NDRG3: variants seen among roughly 807,000 people sequenced by gnomAD.
NDRG3 encodes NDRG family member 3.
In NDRG3, 23 loss-of-function variants were observed where a neutral mutation model predicts 57.2. That is an observed-to-expected ratio of 0.40 (90% CI 0.29 to 0.57). The LOEUF (loss-of-function observed/expected upper bound fraction) is 0.57. Ranked by LOEUF, NDRG3 falls within the 20% of genes least tolerant of loss-of-function variation. NDRG3 has a pLI of 0.42. For missense variants in NDRG3, 384 were observed against 457.3 expected (o/e 0.84, Z 1.46); for synonymous variants, 132 against 162.6 (o/e 0.81, Z 1.43).
intron 1 of NDRG3, among the ~76,000 whole-genome samples, chr20:36,740,153 G>A (rs1985857282): frequency 6.6e-6 from 1 of 152,046 alleles, no homozygotes; most frequent in South Asian, 2.1e-4. Flanking sequence ...AATCTCTAGG[G>A]AAGATAAAAA....
chr20:36,715,004 GTGTATATATATATATATATATATATA>G (rs1230786520), intron 2 of NDRG3, among the ~76,000 whole-genome samples: 864 of 32,496 alleles, frequency 0.027, 43 homozygotes, highest in African/African-American at 0.077. Flanking sequence ...GTGTGTGTGT[GTGTATATATATATATATATATATATA>G]TATATATATA....
chr20:36,729,563 T>C (rs1383423331), intron 1 of NDRG3, among the ~76,000 whole-genome samples: 1 of 152,032 alleles, frequency 6.6e-6, no homozygotes, highest in Non-Finnish European at 1.5e-5. Context: ...AGTTTGGCTC[T>C]GTCACCCAGG....
chr20:36,656,740 C>T (rs1377333796), intron 13 of NDRG3, among the ~76,000 whole-genome samples: 1 of 152,172 alleles, frequency 6.6e-6, no homozygotes, highest in Non-Finnish European at 1.5e-5. Context: ...ATCAATAAGA[C>T]TGAAGCCCTG....
At chr20:36,712,363 T>C (rs528374230) in intron 2 of NDRG3, among the ~76,000 whole-genome samples, 1 of 150,498 alleles carries the variant, frequency 6.6e-6, no homozygotes, top group South Asian at 2.1e-4. Context: ...TCTGGGGCCC[T>C]TCCCTAGAGA....
chr20:36,702,518 A>C (rs1168725536), intron 3 of NDRG3, among the ~76,000 whole-genome samples: 4 of 151,794 alleles, frequency 2.6e-5, no homozygotes, highest in East Asian at 3.9e-4. Flanking sequence ...TTTGTTATAC[A>C]AGATTTTTGT....
At chr20:36,680,052 G>A (rs960514599) in intron 8 of NDRG3, among the ~76,000 whole-genome samples, 2 of 150,884 alleles carry the variant, frequency 1.3e-5, no homozygotes, top group Non-Finnish European at 1.5e-5. Flanking sequence ...TCAAACTCCC[G>A]ACCTCAGGTG....
Position 36,730,196 on chromosome 20 carries a change from G to A in NDRG3, c.-48-8413C>T, listed in dbSNP as rs1985192284. On this transcript the variant is annotated intron_variant, in intron 1 of 15. Transcript: ENST00000349004. ...TGGGAGGCAGAGGTTGCAGTGAGGT[G>A]AGATTGTGCCACTGCACTCCAGCCC... Among the ~76,000 whole-genome samples, 3 of 150,622 alleles carry A rather than the reference G, an allele frequency of 2.0e-5. No homozygotes were observed. The South Asian group carries it at 6.3e-4, about 32-fold the overall frequency.
intron 1 of NDRG3, among the ~76,000 whole-genome samples, chr20:36,724,846 T>C (rs1406535806): frequency 6.6e-6 from 1 of 152,026 alleles, no homozygotes; most frequent in Non-Finnish European, 1.5e-5. Flanking sequence ...CGAGAATCAT[T>C]TGAACCCAGG....
At chr20:36,702,620 T>C (rs1284945712) in intron 3 of NDRG3, among the ~76,000 whole-genome samples, 2 of 151,832 alleles carry the variant, frequency 1.3e-5, no homozygotes, top group Admixed American at 6.6e-5. Flanking sequence ...GCCTCCCGGG[T>C]TCAAGCCATT....
chr20:36,696,053 C>T (rs1402268850), intron 3 of NDRG3, among the ~76,000 whole-genome samples: 1 of 152,230 alleles, frequency 6.6e-6, no homozygotes, highest in East Asian at 1.9e-4. Flanking sequence ...AAAGAACCTA[C>T]ACTGAAATAT....
intron 15 of NDRG3, 23 bp downstream of exon 15, chr20:36,656,337 A>T: frequency 6.2e-7 from 1 of 1,608,808 alleles, no homozygotes. Flanking sequence ...TCGTTGCTAG[A>T]TAGAAAGTTG....
chr20:36,712,075 A>G (rs1006156929), intron 2 of NDRG3, among the ~76,000 whole-genome samples: 2 of 151,126 alleles, frequency 1.3e-5, no homozygotes, highest in African/African-American at 2.4e-5. Context: ...GGTGTGAGCC[A>G]CCGCACCTGG....
chr20:36,711,515 A>C (rs1404905350), intron 2 of NDRG3, among the ~76,000 whole-genome samples: 1 of 152,164 alleles, frequency 6.6e-6, no homozygotes, highest in Non-Finnish European at 1.5e-5. Context: ...CTCTTTGGGA[A>C]GCAGCTGTCA....
At chr20:36,666,774 A>G (rs540012450) in intron 9 of NDRG3, among the ~76,000 whole-genome samples, 4 of 152,342 alleles carry the variant, frequency 2.6e-5, no homozygotes, top group African/African-American at 9.6e-5. Flanking sequence ...TGTTTTAAAG[A>G]TTAAGTAAGA....
chr20:36,683,265 C>CA (rs369353445), intron 6 of NDRG3, among the ~76,000 whole-genome samples: 11 of 150,652 alleles, frequency 7.3e-5, no homozygotes, highest in Middle Eastern at 3.4e-3. Context: ...AAAACAAAAC[C>CA]AAAAAAAACA....
intron 2 of NDRG3, among the ~76,000 whole-genome samples, chr20:36,715,051 TA>T (rs1984187489): frequency 4.9e-5 from 6 of 121,458 alleles, no homozygotes; most frequent in African/African-American, 1.9e-4. Flanking sequence ...TATATATATA[TA>T]TATTATATTT....
intron 3 of NDRG3, among the ~76,000 whole-genome samples, chr20:36,693,105 A>AT (rs1207452237): frequency 3.9e-5 from 1 of 25,854 alleles, no homozygotes; most frequent in Non-Finnish European, 6.6e-5. Flanking sequence ...AAAAAAAAAA[A>AT]ATATATATAT....
intron 6 of NDRG3, among the ~76,000 whole-genome samples, chr20:36,683,650 A>ATATATG (rs60268431): frequency 0.026 from 3,816 of 146,262 alleles, 163 homozygotes; most frequent in African/African-American, 0.095. Context: ...ATATATGTAT[A>ATATATG]TATATGTATA....
intron 8 of NDRG3, among the ~76,000 whole-genome samples, chr20:36,676,017 G>A (rs949372501): frequency 2.6e-5 from 4 of 152,002 alleles, no homozygotes; most frequent in Non-Finnish European, 5.9e-5. Flanking sequence ...GAGGCGGGCG[G>A]ATCATGAGGT....
Sources: allele counts gnomAD v4.1 joint callset (sites outside exome capture counted in the v4.1 genomes callset), GRCh38; gene constraint gnomAD v4.1.1; transcripts MANE v1.5; gene names NCBI Gene and HGNC (gene_info 2026-07-23, HGNC 2026-07-21).